KLHL28: variants seen among roughly 807,000 people sequenced by gnomAD.
The protein encoded by KLHL28 is kelch like family member 28.
A neutral mutation model predicts 48.3 loss-of-function variants in KLHL28; 22 were observed. The observed-to-expected ratio is 0.46, with a 90% CI of 0.33 to 0.65. KLHL28 has a LOEUF of 0.65. KLHL28 is among the 30% of genes least tolerant of loss of function. KLHL28 has a pLI of 0.03. For missense variants in KLHL28, 527 were observed against 704.3 expected, an observed-to-expected ratio of 0.75 and a Z score of 2.85; for synonymous variants, 243 against 242.4, an observed-to-expected ratio of 1.00 and a Z score of -0.02.
intron 2 of KLHL28, among the ~76,000 whole-genome samples, chr14:44,937,819 A>G (rs1267556713): frequency 2.6e-5 from 4 of 152,182 alleles, no homozygotes; most frequent in Non-Finnish European, 5.9e-5. Context: ...AAGCCTGTGC[A>G]CAAGACAGAG....
chr14:44,940,433 C>T, intron 2 of KLHL28, among the ~76,000 whole-genome samples: 1 of 152,196 alleles, frequency 6.6e-6, no homozygotes, highest in South Asian at 2.1e-4. Flanking sequence ...GTCCATTCAA[C>T]ATTTAACATA....
intron 1 of KLHL28, among the ~76,000 whole-genome samples, chr14:44,949,418 A>G (rs1365117096): frequency 1.3e-5 from 2 of 152,106 alleles, no homozygotes; most frequent in Non-Finnish European, 2.9e-5. Flanking sequence ...TTAGTAAATA[A>G]TTTTATAATG....
At chr14:44,939,640 GGAT>G (rs1883986235) in intron 2 of KLHL28, among the ~76,000 whole-genome samples, 1 of 152,122 alleles carries the variant, frequency 6.6e-6, no homozygotes, top group South Asian at 2.1e-4. Flanking sequence ...TATATAGCAA[GGAT>G]GGCCTTTACT....
At chr14:44,937,702 A>T (rs1324239455) in intron 2 of KLHL28, among the ~76,000 whole-genome samples, 1 of 152,202 alleles carries the variant, frequency 6.6e-6, no homozygotes, top group Non-Finnish European at 1.5e-5. Context: ...TATAAAGAAC[A>T]GGAGTTTATT....
intron 4 of KLHL28, among the ~76,000 whole-genome samples, chr14:44,930,985 C>T (rs1456547204): frequency 1.3e-5 from 2 of 152,190 alleles, no homozygotes; most frequent in East Asian, 3.9e-4. Flanking sequence ...GAAAACAAAA[C>T]AGAACAATCC....
chr14:44,959,606 T>C (rs1195037578), intron 1 of KLHL28: 1 of 152,158 alleles, frequency 6.6e-6, no homozygotes, highest in African/African-American at 2.4e-5. Context: ...AAGTAAGTTT[T>C]TAGGGCAATT....
intron 2 of KLHL28, among the ~76,000 whole-genome samples, chr14:44,941,247 GA>G: frequency 6.6e-6 from 1 of 152,266 alleles, no homozygotes; most frequent in Non-Finnish European, 1.5e-5. Context: ...ATTCTTAAAA[GA>G]AAAGTCTTCA....
chr14:44,948,396 G>A (rs1376129914), intron 1 of KLHL28, among the ~76,000 whole-genome samples: 2 of 152,070 alleles, frequency 1.3e-5, no homozygotes, highest in Non-Finnish European at 1.5e-5. Context: ...ACAGACTTTG[G>A]AAATATAAGG....
chr14:44,961,061 T>G (rs1410329825), intron 1 of KLHL28: 1 of 485,784 alleles, frequency 2.1e-6, no homozygotes, highest in Admixed American at 3.6e-5. Flanking sequence ...ACACTCCAGC[T>G]CTTCCACTGT....
intron 2 of KLHL28, among the ~76,000 whole-genome samples, chr14:44,935,739 G>C (rs1354817556): frequency 6.6e-6 from 1 of 151,130 alleles, no homozygotes; most frequent in Admixed American, 6.6e-5. Flanking sequence ...ATGGCAGCAA[G>C]GAGGGGCACA....
intron 1 of KLHL28, among the ~76,000 whole-genome samples, chr14:44,957,441 G>C (rs1327995969): frequency 6.6e-6 from 1 of 152,142 alleles, no homozygotes; most frequent in Non-Finnish European, 1.5e-5. Context: ...ACTGGGACTA[G>C]AATGTTTTCT....
At chr14:44,954,310 G>T (rs1884708305) in intron 1 of KLHL28, among the ~76,000 whole-genome samples, 1 of 152,148 alleles carries the variant, frequency 6.6e-6, no homozygotes, top group African/African-American at 2.4e-5. Flanking sequence ...TGGCAAAAAT[G>T]TATAAAGACA....
chr14:44,942,709 CTTCT>C (rs1264744285), intron 2 of KLHL28, among the ~76,000 whole-genome samples: 3 of 152,096 alleles, frequency 2.0e-5, no homozygotes, highest in African/African-American at 4.8e-5. Flanking sequence ...CGTGACCTTT[CTTCT>C]TTCTCTGCTT....
At chr14:44,947,844 T>C (rs1884401505) in intron 1 of KLHL28, among the ~76,000 whole-genome samples, 1 of 152,208 alleles carries the variant, frequency 6.6e-6, no homozygotes, top group African/African-American at 2.4e-5. Flanking sequence ...TCTCTGCAAA[T>C]AATCTCACAC....
chr14:44,934,067 CTT>C, intron 3 of KLHL28, 46 bp downstream of exon 3: 1 of 1,436,226 alleles, frequency 7.0e-7, no homozygotes, highest in East Asian at 2.3e-5. Context: ...GCTAATGAGA[CTT>C]TTAAAAATCC....
At chr14:44,947,682 T>C (rs772061790) in intron 1 of KLHL28, among the ~76,000 whole-genome samples, 11 of 152,240 alleles carry the variant, frequency 7.2e-5, no homozygotes, top group Non-Finnish European at 7.3e-5. Flanking sequence ...TTCATTCTTA[T>C]ACATTTTTAA....
chr14:44,950,990 C>T (rs1424098650), intron 1 of KLHL28, among the ~76,000 whole-genome samples: 3 of 152,126 alleles, frequency 2.0e-5, no homozygotes, highest in Non-Finnish European at 2.9e-5. Flanking sequence ...ATATAGATGG[C>T]TTATTAGATT....
At chr14:44,944,299 G>C (rs1445854565) in intron 2 of KLHL28, among the ~76,000 whole-genome samples, 1 of 152,146 alleles carries the variant, frequency 6.6e-6, no homozygotes, top group Non-Finnish European at 1.5e-5. Context: ...TATAAATAAA[G>C]TTTTATTGGA....
Position 44,925,481 on chromosome 14 carries a change from T to C in KLHL28, c.*3547A>G, listed in dbSNP as rs1316722795. 2 of 152,126 alleles carry C rather than the reference T, an allele frequency of 1.3e-5. No individual in the cohort carries two copies. The highest frequency in any genetic ancestry group is 4.8e-5 in the African/African-American group (2 of 41,456). 9.4% of individuals were successfully genotyped at this position (152,126 alleles called of 1,614,324 possible). A position where few individuals can be genotyped will look rare whatever the true frequency, so the allele number is the denominator to read the frequency against. ...AAAACCTAATTGGACACTAAGGAATTGCTTATGCATAAACTAGGTCTCTAA... is the reference window on the plus strand; with the variant it reads ...AAAACCTAATTGGACACTAAGGAATCGCTTATGCATAAACTAGGTCTCTAA... On this transcript the variant is annotated 3_prime_UTR_variant, in exon 5 of 5. Transcript: ENST00000396128.
Sources: allele counts gnomAD v4.1 joint callset (sites outside exome capture counted in the v4.1 genomes callset), GRCh38; gene constraint gnomAD v4.1.1; transcripts MANE v1.5; gene names NCBI Gene and HGNC (gene_info 2026-07-23, HGNC 2026-07-21).